FREM2: variants seen among roughly 807,000 people sequenced by gnomAD.
FREM2 encodes FRAS1-related extracellular matrix protein 2.
A neutral mutation model predicts 219.9 loss-of-function variants in FREM2; 119 were observed. The observed-to-expected ratio is 0.54, with a 90% CI of 0.47 to 0.63. The LOEUF is 0.63. Ranked by LOEUF, FREM2 falls within the 30% of genes least tolerant of loss-of-function variation. The pLI, the probability that FREM2 is intolerant of heterozygous loss-of-function variation, is 0.00. For missense variants in FREM2, 4,030 were observed against 3,993.6 expected, an observed-to-expected ratio of 1.01 and a Z score of -0.25; for synonymous variants, 1,562 against 1,522.8, an observed-to-expected ratio of 1.03 and a Z score of -0.60.
rs939387944 is a variant in FREM2, at chr13:38,882,188, C to T, written c.*1401C>T. On this transcript the variant is annotated 3_prime_UTR_variant, in exon 24 of 24. Transcript: ENST00000280481. ...TTGTTACCAAATAGCAGAAATTTCGCTTAGAAGGGGAAAACTTCAGCTTTC... is the reference window on the plus strand; with the variant it reads ...TTGTTACCAAATAGCAGAAATTTCGTTTAGAAGGGGAAAACTTCAGCTTTC... The T allele has an allele frequency of 4.1e-4, 62 of 152,088 alleles. No homozygotes were observed. Among genetic ancestry groups the T allele is most frequent in the African/African-American group, 1.5e-3 (61 of 41,424 alleles). The allele number at this position is 152,088 out of a possible 1,614,324, so 9.4% of individuals were successfully genotyped here. A position where few individuals can be genotyped will look rare whatever the true frequency, so the allele number is the denominator to read the frequency against.
intron 6 of FREM2, among the ~76,000 whole-genome samples, chr13:38,814,126 T>C (rs1396386767): frequency 6.6e-6 from 1 of 152,214 alleles, no homozygotes; most frequent in Non-Finnish European, 1.5e-5. Flanking sequence ...TCTTCAAGTC[T>C]CTTCAAAATA....
Position 38,881,044 on chromosome 13 carries a change from A to G in FREM2, c.*257A>G, listed in dbSNP as rs559836957. The G allele has an allele frequency of 6.0e-5, 33 of 545,664 alleles. No individual in the cohort carries two copies. The highest frequency in any genetic ancestry group is 5.8e-4 in the South Asian group (29 of 49,758). 33.8% of individuals were successfully genotyped at this position (545,664 alleles called of 1,614,324 possible). A position where few individuals can be genotyped will look rare whatever the true frequency, so the allele number is the denominator to read the frequency against. On this transcript the variant is annotated 3_prime_UTR_variant, in exon 24 of 24. Transcript: ENST00000280481. ...ATGTACACAGAGCCATGATGTGAGG[A>G]ATGTACTCCTCATTTTAGACATATT...
intron 2 of FREM2, among the ~76,000 whole-genome samples, chr13:38,726,700 T>C (rs1033248224): frequency 2.0e-5 from 3 of 152,122 alleles, no homozygotes; most frequent in African/African-American, 4.8e-5. Flanking sequence ...CTACTAATGA[T>C]TATGGCATAG....
intron 4 of FREM2, among the ~76,000 whole-genome samples, chr13:38,778,586 C>G (rs1420088231): frequency 2.0e-5 from 3 of 152,012 alleles, no homozygotes; most frequent in Non-Finnish European, 4.4e-5. Flanking sequence ...ATAACAAACC[C>G]TAAAGGATGA....
intron 11 of FREM2, among the ~76,000 whole-genome samples, chr13:38,852,942 G>A (rs1877426079): frequency 1.3e-5 from 2 of 151,826 alleles, no homozygotes; most frequent in Non-Finnish European, 2.9e-5. Context: ...CTAGTCTCAA[G>A]TGATCTGCCC....
chr13:38,750,853 C>G (rs1180039643), intron 2 of FREM2, among the ~76,000 whole-genome samples: 3 of 152,124 alleles, frequency 2.0e-5, no homozygotes, highest in African/African-American at 7.2e-5. Flanking sequence ...CCACCACACC[C>G]AACTGATTTT....
chr13:38,755,546 T>G (rs992550785), intron 2 of FREM2, among the ~76,000 whole-genome samples: 1 of 152,100 alleles, frequency 6.6e-6, no homozygotes, highest in African/African-American at 2.4e-5. Context: ...GGGCAAGAAT[T>G]AGAGATGAAA....
chr13:38,772,988 T>C (rs61177158), intron 4 of FREM2, among the ~76,000 whole-genome samples: 6,630 of 152,200 alleles, frequency 0.044, 526 homozygotes, highest in African/African-American at 0.15. Flanking sequence ...TGAGCCACCG[T>C]GCCCAGCCCA....
intron 16 of FREM2, among the ~76,000 whole-genome samples, chr13:38,872,141 G>A (rs1878179673): frequency 6.6e-6 from 1 of 152,234 alleles, no homozygotes; most frequent in Non-Finnish European, 1.5e-5. Flanking sequence ...GTATTGAAAC[G>A]TGCTCAAACA....
rs1035629549 is a variant in FREM2, at chr13:38,691,119, G to A, written c.3775G>A (p.Glu1259Lys). The change falls in exon 1 of 24, where the codon GAG becomes AAG. Residue 1259 changes from glutamate to lysine, a missense_variant. Glu to Lys is a moderately conservative substitution (Grantham distance 56). Around this residue, in one of 2 missense-constraint regions of FREM2, gnomAD observed 3,102 missense variants for 2,950.7 expected, o/e 1.05. Coordinates refer to ENST00000280481, the MANE Select transcript of FREM2 (RefSeq NM_207361.6). Reference protein sequence around the residue: ...VESFTLDQIIESSSIIYEHDD... With the variant: ...VESFTLDQIIKSSSIIYEHDD... ...AAGCTTCACCTTGGATCAGATCATA[G>A]AGAGTTCCAGCATTATTTATGAGCA... is the stretch of plus-strand genomic sequence containing the variant. 3 of 1,613,984 alleles carry A rather than the reference G, an allele frequency of 1.9e-6. No individual in the cohort carries two copies. The highest frequency in any genetic ancestry group is 2.7e-5 in the African/African-American group (2 of 74,898).
rs1371654436 is a variant in FREM2 at position 38,850,986 on chromosome 13, T to A, written c.6620T>A (p.Val2207Glu). 1 of 1,613,432 alleles carries A rather than the reference T, an allele frequency of 6.2e-7. No individual in the cohort carries two copies. The highest frequency in any genetic ancestry group is 2.2e-5 in the East Asian group (1 of 44,896). Residue 2207 changes from valine (V) to glutamate (E), a missense_variant, in exon 10 of 24, where the codon GTG becomes GAG. By Grantham distance (121) the Val-to-Glu change is moderately radical. Transcript: ENST00000280481. ...KPCILELMDD[V>E]LYEEVEELRL... The stretch of plus-strand genomic sequence containing the variant: ...TGCATTCTTGAGCTGATGGACGATG[T>A]GCTCTATGAGGAGGTAGAGGAGCTC...
At chr13:38,762,896 C>T (rs532366075) in intron 2 of FREM2, among the ~76,000 whole-genome samples, 2 of 152,182 alleles carry the variant, frequency 1.3e-5, no homozygotes, top group African/African-American at 2.4e-5. Context: ...TAAGTGTTTT[C>T]GGTGTTCCAA....
rs569344692 is a variant in FREM2, at chr13:38,762,453, T to C, written c.5264-1851T>C. On this transcript the variant is annotated intron_variant, in intron 2 of 23. Coordinates refer to ENST00000280481, the MANE Select transcript of FREM2 (RefSeq NM_207361.6). ...AATTCCTGCTCTCCAATCTTTTTTT[T>C]TTTGAGACAGAGTTTCACTCTTGTT... Among the ~76,000 whole-genome samples the C allele has an allele frequency of 9.9e-5, 15 of 151,994 alleles. No individual in the cohort carries two copies. The East Asian group carries it at 2.7e-3, about 27-fold the overall frequency.
In FREM2 at chr13:38,769,750, G is replaced by A. The variant is rs769624726; in HGVS notation, c.5583G>A (p.Val1861=). ...ETFQVVLSEP[V]LAALEFPTVA... ...TTCAGGTGGTACTCTCAGAGCCCGT[G>A]CTGGCTGCCTTGGAATTCCCCACAG... Residue 1861 remains valine, a synonymous_variant, in exon 4 of 24, where the codon GTG becomes GTA. Coordinates refer to ENST00000280481, the MANE Select transcript of FREM2 (RefSeq NM_207361.6). 5 of 1,614,114 alleles carry A rather than the reference G, an allele frequency of 3.1e-6. No homozygotes were observed. The South Asian group carries it at 5.5e-5, about 18-fold the overall frequency.
At chr13:38,762,019 TA>T (rs1278585133) in intron 2 of FREM2, among the ~76,000 whole-genome samples, 1 of 152,142 alleles carries the variant, frequency 6.6e-6, no homozygotes, top group Non-Finnish European at 1.5e-5. Flanking sequence ...AGACGAATAG[TA>T]GTCCAGCAGT....
At position 38,689,881 on chromosome 13, in the gene FREM2, T is replaced by C; in HGVS notation, c.2537T>C (p.Ile846Thr). 6.2e-7 allele frequency: 1 copy of C among 1,614,178 alleles called. No homozygotes were observed. Among genetic ancestry groups the C allele is most frequent in the African/African-American group, 1.3e-5 (1 of 75,040 alleles). ...ACTATTCAGGAGAAGGGTCACCACA[T>C]CCTGAGTGAGACAGAGTTGCACGTG... ...GFTIQEKGHH[I>T]LSETELHVND... Residue 846 changes from isoleucine to threonine, a missense_variant, in exon 1 of 24, where the codon ATC becomes ACC. Physicochemically the swap from Ile to Thr is moderately conservative, Grantham distance 89. This residue lies in a region of FREM2 where 3,102 missense variants were observed against 2,950.7 expected (regional missense o/e 1.05). Coordinates refer to ENST00000280481, the MANE Select transcript of FREM2 (RefSeq NM_207361.6).
At chr13:38,760,844 G>T (rs2137805512) in intron 2 of FREM2, among the ~76,000 whole-genome samples, 1 of 151,764 alleles carries the variant, frequency 6.6e-6, no homozygotes, top group East Asian at 1.9e-4. Flanking sequence ...AAAAAAAATA[G>T]TAAATATATA....
intron 2 of FREM2, among the ~76,000 whole-genome samples, chr13:38,750,962 G>A (rs1033887869): frequency 6.6e-6 from 1 of 152,136 alleles, no homozygotes; most frequent in Non-Finnish European, 1.5e-5. Flanking sequence ...CCAAAGCCAT[G>A]CTGTTTTCTG....
At chr13:38,830,282 C>T (rs1013091652) in intron 6 of FREM2, among the ~76,000 whole-genome samples, 7 of 152,148 alleles carry the variant, frequency 4.6e-5, no homozygotes, top group African/African-American at 1.4e-4. Context: ...GCCAGTTGAT[C>T]AAGCAGGATA....
Sources: gnomAD v4.1 joint callset for allele counts (sites outside exome capture counted in the v4.1 genomes callset) on GRCh38, gnomAD v4.1.1 for gene constraint, gnomAD v4.1.1 regional missense constraint, MANE v1.5 for transcripts, NCBI Gene and HGNC (gene_info 2026-07-23, HGNC 2026-07-21) for gene names.